The following GPC6 variants were observed in gnomAD, a reference collection of about 807,000 sequenced individuals.
GPC6 encodes the protein glypican-6.
GPC6 carries 14 observed loss-of-function variants against 55.2 expected under a neutral mutation model. That is an observed-to-expected ratio of 0.25 (90% CI 0.17 to 0.40). The LOEUF (loss-of-function observed/expected upper bound fraction) is 0.40. Ranked by LOEUF, GPC6 falls within the 10% of genes least tolerant of loss-of-function variation. The probability of loss-of-function intolerance (pLI) is 1.00; values close to 1 mark genes in which losing one functional copy is unlikely to be tolerated. For missense variants in GPC6, 641 were observed against 708.5 expected (o/e 0.90, Z 1.08); for synonymous variants, 278 against 259.6 (o/e 1.07, Z -0.68).
chr13:94,387,791 C>A (rs754385342), intron 7 of GPC6, among the ~76,000 whole-genome samples: 11 of 149,502 alleles, frequency 7.4e-5, no homozygotes, highest in Non-Finnish European at 1.5e-4. Context: ...AACAAGGCAG[C>A]CATCAGCAAA....
intron 1 of GPC6, among the ~76,000 whole-genome samples, chr13:93,304,166 G>A (rs1026950213): frequency 2.0e-5 from 3 of 151,914 alleles, no homozygotes; most frequent in Non-Finnish European, 4.4e-5. Flanking sequence ...GCGCCTGGCC[G>A]TAGAGACTAT....
intron 1 of GPC6, among the ~76,000 whole-genome samples, chr13:93,278,677 G>A (rs1210524712): frequency 6.6e-6 from 1 of 152,116 alleles, no homozygotes; most frequent in Admixed American, 6.5e-5. Context: ...AGGATAAACA[G>A]TAAAATAATA....
At chr13:93,448,517 G>C (rs955156486) in intron 1 of GPC6, among the ~76,000 whole-genome samples, 1 of 152,234 alleles carries the variant, frequency 6.6e-6, no homozygotes, top group South Asian at 2.1e-4. Context: ...GTAAGTTGAA[G>C]TACTTTCATG....
At chr13:93,680,883 A>C (rs1663287501) in intron 2 of GPC6, among the ~76,000 whole-genome samples, 1 of 152,186 alleles carries the variant, frequency 6.6e-6, no homozygotes, top group Non-Finnish European at 1.5e-5. Context: ...TTTGATTAGC[A>C]GTGTGACACA....
intron 4 of GPC6, among the ~76,000 whole-genome samples, chr13:94,191,571 C>G (rs922439830): frequency 6.7e-6 from 1 of 148,288 alleles, no homozygotes; most frequent in African/African-American, 2.5e-5. Flanking sequence ...TTGTACAAAG[C>G]TTAGATTAAA....
chr13:93,322,095 T>C (rs1354485561), intron 1 of GPC6, among the ~76,000 whole-genome samples: 1 of 152,242 alleles, frequency 6.6e-6, no homozygotes, highest in Non-Finnish European at 1.5e-5. Flanking sequence ...AAATTGTTAT[T>C]ATTAGATCTA....
intron 4 of GPC6, among the ~76,000 whole-genome samples, chr13:94,069,758 C>G (rs1271027413): frequency 6.6e-6 from 1 of 152,206 alleles, no homozygotes; most frequent in African/African-American, 2.4e-5. Context: ...CACCTTTGCT[C>G]TAGTTCCCAA....
At chr13:94,170,854 G>A (rs1888541115) in intron 4 of GPC6, among the ~76,000 whole-genome samples, 1 of 152,148 alleles carries the variant, frequency 6.6e-6, no homozygotes, top group Admixed American at 6.5e-5. Flanking sequence ...CCTGGGAGTG[G>A]AGAATTGAAA....
At chr13:94,004,945 C>A (rs1881951624) in intron 3 of GPC6, among the ~76,000 whole-genome samples, 1 of 152,050 alleles carries the variant, frequency 6.6e-6, no homozygotes. Context: ...GCCTGAAATC[C>A]CAGCTACTTG....
intron 2 of GPC6, among the ~76,000 whole-genome samples, chr13:93,678,962 G>C (rs945366110): frequency 6.6e-6 from 1 of 152,150 alleles, no homozygotes; most frequent in South Asian, 2.1e-4. Flanking sequence ...GCTTTTTGCA[G>C]TCAGGAAGCT....
intron 4 of GPC6, among the ~76,000 whole-genome samples, chr13:94,114,094 A>G (rs1886344795): frequency 2.6e-5 from 1 of 38,274 alleles, no homozygotes; most frequent in Non-Finnish European, 4.9e-5. Flanking sequence ...CCTTAGCTTT[A>G]TCAAAAAAAA....
chr13:93,933,039 C>G (rs1412547940), intron 3 of GPC6, among the ~76,000 whole-genome samples: 1 of 128,072 alleles, frequency 7.8e-6, no homozygotes, highest in Non-Finnish European at 1.6e-5. Context: ...TTCACAGCTT[C>G]TGGAGGCCAC....
intron 2 of GPC6, among the ~76,000 whole-genome samples, chr13:93,736,886 G>T (rs1046347087): frequency 1.3e-5 from 2 of 152,096 alleles, no homozygotes; most frequent in African/African-American, 4.8e-5. Context: ...GAGTCCAATA[G>T]CATGAGAAAT....
intron 4 of GPC6, among the ~76,000 whole-genome samples, chr13:94,132,496 AC>A (rs1454755754): frequency 6.6e-6 from 1 of 152,126 alleles, no homozygotes; most frequent in African/African-American, 2.4e-5. Flanking sequence ...CATTTTCTCC[AC>A]CTGTGGACTT....
intron 2 of GPC6, among the ~76,000 whole-genome samples, chr13:93,623,549 C>T (rs1879058210): frequency 6.6e-6 from 1 of 150,666 alleles, no homozygotes; most frequent in African/African-American, 2.5e-5. Flanking sequence ...AGCTCCGCCT[C>T]CTGGGTTCAA....
chr13:94,329,173 CA>C (rs899855316), intron 6 of GPC6, among the ~76,000 whole-genome samples: 2 of 151,992 alleles, frequency 1.3e-5, no homozygotes, highest in African/African-American at 2.4e-5. Context: ...CAGAGAGGGA[CA>C]AAATAAAGAA....
At chr13:93,652,177 A>G (rs1880448170) in intron 2 of GPC6, among the ~76,000 whole-genome samples, 1 of 152,186 alleles carries the variant, frequency 6.6e-6, no homozygotes, top group South Asian at 2.1e-4. Flanking sequence ...CTGTTTGTCT[A>G]AAGATTTTAT....
intron 2 of GPC6, among the ~76,000 whole-genome samples, chr13:93,609,736 T>C (rs1296604294): frequency 6.6e-6 from 1 of 152,192 alleles, no homozygotes; most frequent in Non-Finnish European, 1.5e-5. Context: ...TATTTTCTTA[T>C]TTCACTTGGC....
chr13:93,534,493 C>T (rs1310467383), intron 1 of GPC6, among the ~76,000 whole-genome samples: 2 of 152,106 alleles, frequency 1.3e-5, no homozygotes, highest in African/African-American at 4.8e-5. Flanking sequence ...CAGAGGCTTG[C>T]TTGTGGGGTT....
Sources: gnomAD v4.1 joint callset for allele counts (sites outside exome capture counted in the v4.1 genomes callset) on GRCh38, gnomAD v4.1.1 for gene constraint, MANE v1.5 for transcripts, NCBI Gene and HGNC (gene_info 2026-07-23, HGNC 2026-07-21) for gene names.